PLB1: variants seen among roughly 807,000 people sequenced by gnomAD.
PLB1 encodes phospholipase B1.
In PLB1, 242 loss-of-function variants were observed where a neutral mutation model predicts 227.4. The observed-to-expected ratio is 1.06, with a 90% CI of 0.96 to 1.18. The LOEUF is 1.18. PLB1 is among the 50% of genes most tolerant of loss of function. The pLI, the probability that PLB1 is intolerant of heterozygous loss-of-function variation, is 0.00. For synonymous variants in PLB1, 757 were observed against 682.2 expected (o/e 1.11, Z -1.71); for missense variants, 1,858 against 1,816.3 (o/e 1.02, Z -0.42).
chr2:28,515,750 T>C (rs958229302), intron 1 of PLB1, among the ~76,000 whole-genome samples: 4 of 152,184 alleles, frequency 2.6e-5, no homozygotes, highest in African/African-American at 9.6e-5. Flanking sequence ...TTGTATCGCA[T>C]GCGCTTATAA....
rs1412781715 is a variant in PLB1, at chr2:28,631,982, C to T, written c.3898-54C>T. On this transcript the variant is annotated intron_variant, in intron 54 of 57. Transcript: ENST00000327757. The stretch of plus-strand genomic sequence containing the variant: ...CCAATCCAAGGCAGCAGGACTGGAC[C>T]CTGTCTGTGCAGCCTTGCCAGGAGG... The T allele has an allele frequency of 6.1e-6, 9 of 1,465,136 alleles. No homozygotes were observed. The Admixed American group carries it at 6.7e-5, about 11-fold the overall frequency. The allele number at this position is 1,465,136 out of a possible 1,614,324, so 90.8% of individuals were successfully genotyped here. A position where few individuals can be genotyped will look rare whatever the true frequency, so the allele number is the denominator to read the frequency against.
intron 55 of PLB1, among the ~76,000 whole-genome samples, chr2:28,632,387 G>GGGATAGAAT (rs142799295): frequency 0.26 from 38,744 of 151,674 alleles, 4,974 homozygotes; most frequent in East Asian, 0.33. Flanking sequence ...TTTCTGGATT[G>GGGATAGAAT]GGATAGAATG....
intron 22 of PLB1, 87 bp from the exon 23 acceptor site, chr2:28,579,540 C>G (rs1264714292): frequency 1.8e-5 from 18 of 1,023,282 alleles, no homozygotes; most frequent in Non-Finnish European, 2.6e-5. Flanking sequence ...TGTGAGGACC[C>G]ATCTTTTCTA....
chr2:28,618,493 G>A lies in PLB1; in HGVS notation c.3315+94G>A. Reference sequence around the variant, plus strand: ...TTCCCCAGCATTGGCTCCGCTTTCAGTGCTGAGCCCGTGTTACTGAGGGCC... The same window carrying A: ...TTCCCCAGCATTGGCTCCGCTTTCAATGCTGAGCCCGTGTTACTGAGGGCC... On this transcript the variant is annotated intron_variant, in intron 46 of 57. Coordinates refer to ENST00000327757, the MANE Select transcript of PLB1 (RefSeq NM_153021.5). 4.5e-6 allele frequency: 6 copies of A among 1,321,142 alleles called. 1 individual carries two copies. The highest frequency in any genetic ancestry group is 3.8e-4 in the Middle Eastern group (2 of 5,300). The allele number at this position is 1,321,142 out of a possible 1,614,324, so 81.8% of individuals were successfully genotyped here. A position where few individuals can be genotyped will look rare whatever the true frequency, so the allele number is the denominator to read the frequency against.
chr2:28,581,481 GCAAA>G lies in PLB1; in HGVS notation c.1567-586_1567-583del, dbSNP rs1330173550. Reference sequence around the variant, plus strand: ...ATATGGAGTAGATCCAGAGCTCCACGCAAAAAAATAAATAAATAAATAAATAAAT... The same window carrying G: ...ATATGGAGTAGATCCAGAGCTCCACGAAAATAAATAAATAAATAAATAAAT... On this transcript the variant is annotated intron_variant, in intron 23 of 57. Transcript: ENST00000327757. Among the ~76,000 whole-genome samples the G allele has an allele frequency of 2.4e-4, 19 of 77,760 alleles. 1 individual carries two copies. The highest frequency in any genetic ancestry group is 1.1e-3 in the African/African-American group (17 of 14,890). 51.0% of individuals were successfully genotyped at this position (77,760 alleles called of 152,430 possible). A position where few individuals can be genotyped will look rare whatever the true frequency, so the allele number is the denominator to read the frequency against.
rs1253856354 is a variant in PLB1 at position 28,552,218 on chromosome 2, G to A, written c.1084-710G>A. 8.5e-5 allele frequency among the ~76,000 whole-genome samples: 13 copies of A among 152,182 alleles called. 1 individual carries two copies. Among genetic ancestry groups the A allele is most frequent in the Admixed American group, 8.5e-4 (13 of 15,270 alleles). On this transcript the variant is annotated intron_variant, in intron 16 of 57. Transcript: ENST00000327757. ...AGAAGGCTTTCCAAAGGATACCCAC[G>A]ACCTCAGTCTTGAAGGGTGACTAAG...
rs1239271215 is a variant in PLB1, at chr2:28,578,172, A to G, written c.1485+14A>G. The G allele has an allele frequency of 1.2e-6, 2 of 1,613,152 alleles. No individual in the cohort carries two copies. The highest frequency in any genetic ancestry group is 3.3e-5 in the Admixed American group (2 of 59,990). ...AAGAATGACACGGTGGGTCCCTGGGATGGGAAGTAGGCAGGAAAAATCCCT... is the reference window on the plus strand; with the variant it reads ...AAGAATGACACGGTGGGTCCCTGGGGTGGGAAGTAGGCAGGAAAAATCCCT... On this transcript the variant is annotated intron_variant, in intron 22 of 57. Coordinates refer to ENST00000327757, the MANE Select transcript of PLB1 (RefSeq NM_153021.5).
In PLB1 at chr2:28,620,596, C is replaced by T. The variant is rs765471620; in HGVS notation, c.3384-4C>T. ...GTTTAACAAATATGCTTTCTCCTCCCCAGCATTGGAGGGGATGGGAACTTG... is the reference window on the plus strand; with the variant it reads ...GTTTAACAAATATGCTTTCTCCTCCTCAGCATTGGAGGGGATGGGAACTTG... On this transcript the variant is annotated splice_region_variant and splice_polypyrimidine_tract_variant and intron_variant, in intron 47 of 57. Coordinates refer to ENST00000327757, the MANE Select transcript of PLB1 (RefSeq NM_153021.5). 2 of 1,612,928 alleles carry T rather than the reference C, an allele frequency of 1.2e-6. No homozygotes were observed. The highest frequency in any genetic ancestry group is 2.7e-5 in the African/African-American group (2 of 74,870).
intron 56 of PLB1, among the ~76,000 whole-genome samples, chr2:28,633,754 C>T (rs1688973474): frequency 6.6e-6 from 1 of 152,242 alleles, no homozygotes; most frequent in African/African-American, 2.4e-5. Context: ...CTTGACCTGT[C>T]ACCCCCAACA....
chr2:28,533,083 G>A (rs1671231317), intron 9 of PLB1, among the ~76,000 whole-genome samples: 1 of 152,146 alleles, frequency 6.6e-6, no homozygotes, highest in Non-Finnish European at 1.5e-5. Flanking sequence ...CCAGGCCAGG[G>A]CACAGGCATG....
At chr2:28,604,864 C>A in intron 41 of PLB1, 105 bp downstream of exon 41, 1 of 1,039,200 alleles carries the variant, frequency 9.6e-7, no homozygotes, top group Non-Finnish European at 1.4e-6. Flanking sequence ...AAAGACACAG[C>A]TCTCCAGACG....
At chr2:28,543,331 GC>G in intron 14 of PLB1, 63 bp downstream of exon 14, 1 of 1,549,176 alleles carries the variant, frequency 6.5e-7, no homozygotes, top group Non-Finnish European at 8.8e-7. Context: ...CCACCACTGA[GC>G]CCACCGTGCT....
chr2:28,623,781 G>A (rs1687358166), intron 49 of PLB1, among the ~76,000 whole-genome samples: 1 of 152,190 alleles, frequency 6.6e-6, no homozygotes, highest in Admixed American at 6.5e-5. Flanking sequence ...AGGTATAAAT[G>A]ACATGCAATA....
At chr2:28,625,409 G>A (rs1335940466) in intron 50 of PLB1, among the ~76,000 whole-genome samples, 2 of 152,214 alleles carry the variant, frequency 1.3e-5, no homozygotes. Flanking sequence ...GCTTCCCAGA[G>A]CCCTATTATG....
chr2:28,628,456 T>A (rs2148336416), intron 51 of PLB1, 107 bp from the exon 52 acceptor site: 2 of 965,104 alleles, frequency 2.1e-6, no homozygotes, highest in Non-Finnish European at 3.3e-6. Flanking sequence ...GAAGCCCCTC[T>A]GTACCCACTC....
chr2:28,622,460 G>A (rs1172508686), intron 49 of PLB1, among the ~76,000 whole-genome samples: 1 of 152,206 alleles, frequency 6.6e-6, no homozygotes, highest in Non-Finnish European at 1.5e-5. Context: ...AAGCAGTACA[G>A]TACAAATGTA....
Position 28,614,065 on chromosome 2 carries a change from A to C in PLB1, c.3164A>C (p.Asn1055Thr). 6 of 1,613,280 alleles carry C rather than the reference A, an allele frequency of 3.7e-6. No individual in the cohort carries two copies. The highest frequency in any genetic ancestry group is 5.1e-6 in the Non-Finnish European group (6 of 1,179,374). ...TTCCTGAGAACCCCTCGGAATAGTA[A>C]CTACACGTACCCCATCAAGCCAGCC... is the stretch of plus-strand genomic sequence containing the variant. The part of the protein sequence containing the change: ...EPFLRTPRNS[N>T]YTYPIKPAIE... Residue 1055 changes from asparagine to threonine, a missense_variant, in exon 44 of 58, where the codon AAC becomes ACC. Coordinates refer to ENST00000327757, the MANE Select transcript of PLB1 (RefSeq NM_153021.5).
chr2:28,507,934 G>T (rs1162354359), intron 1 of PLB1, among the ~76,000 whole-genome samples: 1 of 152,184 alleles, frequency 6.6e-6, no homozygotes, highest in African/African-American at 2.4e-5. Context: ...ACTAGAGGTT[G>T]TGTCTACCCA....
chr2:28,593,699 T>C lies in PLB1; in HGVS notation c.2266T>C (p.Ser756Pro), dbSNP rs1343688744. 1 of 1,613,996 alleles carries C rather than the reference T, an allele frequency of 6.2e-7. No homozygotes were observed. Among genetic ancestry groups the C allele is most frequent in the East Asian group, 2.2e-5 (1 of 44,880 alleles). ...TTCAAAGGCTGGCAATGGAATTGGC[T>C]CCAAACCAGACGACCTCCCCGATGT... ...DSLTAGNGIG[S>P]KPDDLPDVTT... The change falls in exon 33 of 58, where the codon TCC (serine) becomes CCC (proline). Residue 756 changes from serine (S) to proline (P), a missense_variant. Transcript: ENST00000327757.
Sources: allele counts gnomAD v4.1 joint callset (sites outside exome capture counted in the v4.1 genomes callset), GRCh38; gene constraint gnomAD v4.1.1; transcripts MANE v1.5; gene names NCBI Gene and HGNC (gene_info 2026-07-23, HGNC 2026-07-21).